NLGN1: variants seen among roughly 807,000 people sequenced by gnomAD.
The protein encoded by NLGN1 is neuroligin 1, also known as neuroligin-1.
In NLGN1, 12 loss-of-function variants were observed where a neutral mutation model predicts 65.5. The ratio of observed to expected loss-of-function variants is 0.18; its 90% CI spans 0.12 to 0.30. NLGN1 has a LOEUF of 0.30. Among genes scored for constraint, NLGN1 ranks in the 10% least tolerant of loss-of-function variants. The pLI is 1.00. For missense variants in NLGN1, 750 were observed against 1,007.1 expected (o/e 0.74, Z 3.46); for synonymous variants, 350 against 359.5 (o/e 0.97, Z 0.30).
At chr3:173,993,105 G>C (rs1184972674) in intron 4 of NLGN1, among the ~76,000 whole-genome samples, 1 of 152,100 alleles carries the variant, frequency 6.6e-6, no homozygotes, top group Non-Finnish European at 1.5e-5. Flanking sequence ...CAGCTTACAG[G>C]CATTTTCATT....
chr3:174,205,135 T>TA (rs1424067573), intron 4 of NLGN1, among the ~76,000 whole-genome samples: 3 of 152,190 alleles, frequency 2.0e-5, no homozygotes, highest in South Asian at 2.1e-4. Flanking sequence ...TATGTTCAAC[T>TA]AATATCTTAA....
At chr3:173,699,083 C>CG (rs1455161113) in intron 3 of NLGN1, among the ~76,000 whole-genome samples, 1 of 151,986 alleles carries the variant, frequency 6.6e-6, no homozygotes, top group Non-Finnish European at 1.5e-5. Context: ...CTCAAATTCC[C>CG]GACCACAGGT....
At chr3:173,471,297 A>G (rs895479983) in intron 2 of NLGN1, among the ~76,000 whole-genome samples, 1 of 152,096 alleles carries the variant, frequency 6.6e-6, no homozygotes, top group African/African-American at 2.4e-5. Context: ...TCTGGAGTCT[A>G]GAAGTTTGAG....
intron 4 of NLGN1, among the ~76,000 whole-genome samples, chr3:174,072,838 CTGAG>C (rs1740173891): frequency 6.6e-6 from 1 of 152,086 alleles, no homozygotes; most frequent in Non-Finnish European, 1.5e-5. Context: ...AAGAGAATGG[CTGAG>C]TGAATCACTA....
At chr3:173,431,542 G>GAT (rs1406594865) in intron 1 of NLGN1, among the ~76,000 whole-genome samples, 7 of 151,590 alleles carry the variant, frequency 4.6e-5, no homozygotes, top group African/African-American at 7.3e-5. Context: ...ATGATTTTTG[G>GAT]ATATATATAT....
intron 3 of NLGN1, among the ~76,000 whole-genome samples, chr3:173,724,832 AC>A (rs1771489919): frequency 6.6e-6 from 1 of 152,190 alleles, no homozygotes; most frequent in Non-Finnish European, 1.5e-5. Flanking sequence ...GCACATATAC[AC>A]CATGGAATAC....
chr3:173,713,255 C>A (rs1362729822), intron 3 of NLGN1, among the ~76,000 whole-genome samples: 1 of 152,054 alleles, frequency 6.6e-6, no homozygotes, highest in South Asian at 2.1e-4. Flanking sequence ...CCCAAGTGAG[C>A]AAAAACTAAA....
In NLGN1 at chr3:173,533,664, C is replaced by T. The variant is rs528737348; in HGVS notation, c.-320-70615C>T. 2.0e-5 allele frequency among the ~76,000 whole-genome samples: 3 copies of T among 152,082 alleles called. No individual in the cohort carries two copies. In the South Asian group the frequency reaches 6.2e-4, roughly 32 times the overall value. Reference sequence around the variant, plus strand: ...AAAAAATATCCTTAAGATACAATTACGTATAGAAGCAAGGTTGATCATGTA... The same window carrying T: ...AAAAAATATCCTTAAGATACAATTATGTATAGAAGCAAGGTTGATCATGTA... On this transcript the variant is annotated intron_variant, in intron 2 of 6. Coordinates refer to ENST00000457714, the Ensembl canonical transcript of NLGN1.
At chr3:173,953,245 G>T (rs549589949) in intron 4 of NLGN1, among the ~76,000 whole-genome samples, 1 of 152,026 alleles carries the variant, frequency 6.6e-6, no homozygotes, top group Non-Finnish European at 1.5e-5. Flanking sequence ...TATAAATCAG[G>T]TTATTATATT....
chr3:173,999,052 A>T (rs998400621), intron 4 of NLGN1, among the ~76,000 whole-genome samples: 1 of 152,238 alleles, frequency 6.6e-6, no homozygotes, highest in Non-Finnish European at 1.5e-5. Context: ...CTTCAGGCAT[A>T]GAGCATGCTT....
At chr3:173,911,518 T>G (rs1739593544) in intron 4 of NLGN1, among the ~76,000 whole-genome samples, 2 of 152,212 alleles carry the variant, frequency 1.3e-5, no homozygotes. Flanking sequence ...GAATCAGAGA[T>G]TAGCTCAAAA....
At chr3:173,835,364 C>G (rs1457084937) in intron 4 of NLGN1, among the ~76,000 whole-genome samples, 1 of 152,048 alleles carries the variant, frequency 6.6e-6, no homozygotes, top group Admixed American at 6.6e-5. Flanking sequence ...TTATTTTACT[C>G]TGCACTTGAT....
intron 3 of NLGN1, among the ~76,000 whole-genome samples, chr3:173,728,515 C>T (rs1431839413): frequency 6.6e-6 from 1 of 151,802 alleles, no homozygotes; most frequent in African/African-American, 2.4e-5. Flanking sequence ...TGAATAGTGC[C>T]CCCCCTCCAA....
intron 3 of NLGN1, among the ~76,000 whole-genome samples, chr3:173,747,688 C>T (rs565731034): frequency 1.3e-5 from 2 of 149,932 alleles, no homozygotes; most frequent in Non-Finnish European, 3.0e-5. Context: ...ATGATATACT[C>T]TTTGTTCCAA....
exon 2 of NLGN1, chr3:173,435,055 C>T (rs1024147670): frequency 6.6e-6 from 1 of 152,566 alleles, no homozygotes; most frequent in Admixed American, 6.6e-5. Flanking sequence ...TGTGACAAAT[C>T]CCCCAGGGCT....
intron 4 of NLGN1, among the ~76,000 whole-genome samples, chr3:173,851,881 A>G (rs986902029): frequency 6.6e-6 from 1 of 152,114 alleles, no homozygotes; most frequent in Admixed American, 6.5e-5. Flanking sequence ...TTATATTCTA[A>G]GAGTCTTATT....
At chr3:173,578,493 C>A (rs951823400) in intron 2 of NLGN1, among the ~76,000 whole-genome samples, 3 of 152,154 alleles carry the variant, frequency 2.0e-5, no homozygotes, top group Admixed American at 6.5e-5. Flanking sequence ...AAAAATTTCT[C>A]TTTCCATCTC....
chr3:174,156,426 G>A (rs918284595), intron 4 of NLGN1, among the ~76,000 whole-genome samples: 7 of 151,578 alleles, frequency 4.6e-5, no homozygotes, highest in African/African-American at 1.7e-4. Context: ...TTTTAACGCT[G>A]CCCATTCTCG....
In NLGN1 at chr3:173,411,653, G is replaced by A. The variant is rs1277874770; in HGVS notation, c.-390+13166G>A. 4.6e-5 allele frequency among the ~76,000 whole-genome samples: 7 copies of A among 152,050 alleles called. No individual in the cohort carries two copies. In the South Asian group the frequency reaches 1.5e-3, roughly 32 times the overall value. On this transcript the variant is annotated intron_variant, in intron 1 of 6. Transcript: ENST00000457714. Reference sequence around the variant, plus strand: ...ATTTCCTTTTGTGTATATGAAGTGAGGAAAAAAGGCCACGGAAGATATTAA... The same window carrying A: ...ATTTCCTTTTGTGTATATGAAGTGAAGAAAAAAGGCCACGGAAGATATTAA...
Sources: allele counts gnomAD v4.1 joint callset (sites outside exome capture counted in the v4.1 genomes callset), GRCh38; gene constraint gnomAD v4.1.1; transcripts MANE v1.5; gene names NCBI Gene and HGNC (gene_info 2026-07-23, HGNC 2026-07-21).